ADTRP: variants seen among roughly 807,000 people sequenced by gnomAD.
The protein encoded by ADTRP is androgen dependent TFPI regulating protein.
Under a neutral mutation model 27.0 loss-of-function variants are expected in ADTRP, and 20 were observed. The ratio of observed to expected loss-of-function variants is 0.74; its 90% CI spans 0.52 to 1.08. The LOEUF is 1.08. ADTRP is among the 50% of genes least tolerant of loss of function. The pLI, the probability that ADTRP is intolerant of heterozygous loss-of-function variation, is 0.00. For missense variants in ADTRP, 251 were observed against 275.0 expected, an observed-to-expected ratio of 0.91 and a Z score of 0.62; for synonymous variants, 101 against 105.2, an observed-to-expected ratio of 0.96 and a Z score of 0.25.
intron 1 of ADTRP, among the ~76,000 whole-genome samples, chr6:11,773,034 C>T (rs1451041450): frequency 6.6e-6 from 1 of 152,176 alleles, no homozygotes; most frequent in East Asian, 1.9e-4. Context: ...GGATAAAACA[C>T]CTTCATGATG....
chr6:11,715,882 G>C lies in ADTRP; in HGVS notation c.659-1370C>G, dbSNP rs181998137. Among the ~76,000 whole-genome samples, 93 of 128,578 alleles carry C rather than the reference G, an allele frequency of 7.2e-4. No individual in the cohort carries two copies. The East Asian group carries it at 0.022, about 30-fold the overall frequency. The allele number at this position is 128,578 out of a possible 152,430, so 84.4% of individuals were successfully genotyped here. A position where few individuals can be genotyped will look rare whatever the true frequency, so the allele number is the denominator to read the frequency against. On this transcript the variant is annotated intron_variant, in intron 5 of 5. Transcript: ENST00000414691. ...AGGGTCTCACTATGTTGCTCAGGATGATCTTGAACTCCTGGCCTCACCACA... is the reference window on the plus strand; with the variant it reads ...AGGGTCTCACTATGTTGCTCAGGATCATCTTGAACTCCTGGCCTCACCACA...
chr6:11,754,756 G>A (rs1259939047), intron 3 of ADTRP, among the ~76,000 whole-genome samples: 3 of 152,158 alleles, frequency 2.0e-5, no homozygotes, highest in Non-Finnish European at 4.4e-5. Context: ...TTCAAGGCAA[G>A]GACGGAACTC....
At chr6:11,739,988 T>C (rs970026835) in intron 3 of ADTRP, among the ~76,000 whole-genome samples, 7 of 152,180 alleles carry the variant, frequency 4.6e-5, no homozygotes, top group African/African-American at 1.7e-4. Flanking sequence ...ATAAAAAATA[T>C]ATAATCTCTG....
At chr6:11,755,205 C>T (rs1763176421) in intron 3 of ADTRP, 1 of 397,152 alleles carries the variant, frequency 2.5e-6, no homozygotes, top group African/African-American at 2.2e-5. Context: ...CAGAAGACAT[C>T]TATACTTTTT....
chr6:11,741,046 C>T (rs2113254029), intron 3 of ADTRP, among the ~76,000 whole-genome samples: 1 of 152,110 alleles, frequency 6.6e-6, no homozygotes, highest in East Asian at 1.9e-4. Flanking sequence ...ACAGGCTAGA[C>T]ACTACTGTCA....
intron 5 of ADTRP, among the ~76,000 whole-genome samples, chr6:11,718,274 C>G (rs1761898373): frequency 6.6e-6 from 1 of 152,156 alleles, no homozygotes; most frequent in Non-Finnish European, 1.5e-5. Flanking sequence ...GGTCACAGGC[C>G]CTGGATAAGC....
chr6:11,716,261 C>A (rs1312407837), intron 5 of ADTRP, among the ~76,000 whole-genome samples: 1 of 152,174 alleles, frequency 6.6e-6, no homozygotes, highest in African/African-American at 2.4e-5. Context: ...GTAATAATAA[C>A]CTCAGTCCTT....
chr6:11,757,913 G>T (rs1763263696), intron 3 of ADTRP, among the ~76,000 whole-genome samples: 1 of 152,148 alleles, frequency 6.6e-6, no homozygotes, highest in Non-Finnish European at 1.5e-5. Flanking sequence ...CACCAGTTGT[G>T]GTGCTTTATT....
intron 3 of ADTRP, among the ~76,000 whole-genome samples, chr6:11,761,175 A>T (rs1179305202): frequency 6.6e-6 from 1 of 152,192 alleles, no homozygotes. Context: ...AATTTTTATT[A>T]AAATATCAGC....
intron 3 of ADTRP, among the ~76,000 whole-genome samples, chr6:11,758,938 A>G (rs1763315478): frequency 6.6e-6 from 1 of 151,782 alleles, no homozygotes; most frequent in African/African-American, 2.4e-5. Context: ...TAAAGCCTTT[A>G]CTCTCTTGCT....
intron 4 of ADTRP, among the ~76,000 whole-genome samples, chr6:11,732,675 A>C (rs1229881469): frequency 1.3e-5 from 2 of 152,232 alleles, no homozygotes; most frequent in Non-Finnish European, 2.9e-5. Context: ...AGCATTTTTC[A>C]TGAAGGACGA....
At chr6:11,760,730 T>A (rs1763366947) in intron 3 of ADTRP, among the ~76,000 whole-genome samples, 1 of 152,246 alleles carries the variant, frequency 6.6e-6, no homozygotes, top group Non-Finnish European at 1.5e-5. Context: ...CATCATTATC[T>A]AATAGGCATC....
At chr6:11,748,680 C>T (rs1762944378) in intron 3 of ADTRP, among the ~76,000 whole-genome samples, 1 of 152,206 alleles carries the variant, frequency 6.6e-6, no homozygotes, top group African/African-American at 2.4e-5. Flanking sequence ...CAGGAAAAGC[C>T]ATTCTGAGAA....
rs748005785 is a variant in ADTRP at position 11,771,241 on chromosome 6, G to A, written c.154-2858C>T. 2.8e-3 allele frequency among the ~76,000 whole-genome samples: 419 copies of A among 152,320 alleles called. 4 individuals carry two copies. The highest frequency in any genetic ancestry group is 2.8e-3 in the Non-Finnish European group (191 of 68,022). On this transcript the variant is annotated intron_variant, in intron 1 of 5. Coordinates refer to ENST00000414691, the MANE Select transcript of ADTRP (RefSeq NM_032744.4). ...GTTACTTCTCAGGCTTATGGCACACGGGCCTCTCTAGGTGCCCACGGTGTG... is the reference window on the plus strand; with the variant it reads ...GTTACTTCTCAGGCTTATGGCACACAGGCCTCTCTAGGTGCCCACGGTGTG...
intron 3 of ADTRP, among the ~76,000 whole-genome samples, chr6:11,761,362 G>T (rs759651806): frequency 1.3e-5 from 2 of 152,136 alleles, no homozygotes; most frequent in African/African-American, 4.8e-5. Flanking sequence ...AGATCTTTTC[G>T]ATGGTCTTGT....
chr6:11,776,125 C>T (rs1165124135), intron 1 of ADTRP, among the ~76,000 whole-genome samples: 1 of 152,152 alleles, frequency 6.6e-6, no homozygotes, highest in Admixed American at 6.5e-5. Flanking sequence ...TACATTAAAT[C>T]GATCCTCTGA....
At chr6:11,735,903 T>C (rs1469766009) in intron 3 of ADTRP, 1 of 473,888 alleles carries the variant, frequency 2.1e-6, no homozygotes, top group Non-Finnish European at 3.8e-6. Flanking sequence ...GCAATGTGTC[T>C]CACCCTCTCT....
At chr6:11,744,996 T>C (rs185533896) in intron 3 of ADTRP, among the ~76,000 whole-genome samples, 46 of 152,322 alleles carry the variant, frequency 3.0e-4, no homozygotes, top group Non-Finnish European at 5.1e-4. Flanking sequence ...ACCTTCCGCA[T>C]GACTGATCCC....
At chr6:11,775,541 G>A (rs951455556) in intron 1 of ADTRP, among the ~76,000 whole-genome samples, 6 of 152,062 alleles carry the variant, frequency 3.9e-5, no homozygotes, top group Non-Finnish European at 7.4e-5. Flanking sequence ...GGGAATCAGT[G>A]GCCCCTTCAC....
Sources: allele counts gnomAD v4.1 joint callset (sites outside exome capture counted in the v4.1 genomes callset), GRCh38; gene constraint gnomAD v4.1.1; transcripts MANE v1.5; gene names NCBI Gene and HGNC (gene_info 2026-07-23, HGNC 2026-07-21).